ARL14EP: variants seen among roughly 807,000 people sequenced by gnomAD.
ARL14EP encodes the protein ARL14 effector protein.
A neutral mutation model predicts 23.1 loss-of-function variants in ARL14EP; 12 were observed. The ratio of observed to expected loss-of-function variants is 0.52; its 90% CI spans 0.33 to 0.84. ARL14EP has a LOEUF of 0.84. Among genes scored for constraint, ARL14EP ranks in the 40% least tolerant of loss-of-function variants. The probability of loss-of-function intolerance (pLI) is 0.02; values close to 1 mark genes in which losing one functional copy is unlikely to be tolerated. For missense variants in ARL14EP, 253 were observed against 307.3 expected (o/e 0.82, Z 1.32); for synonymous variants, 97 against 102.0 (o/e 0.95, Z 0.29).
intron 1 of ARL14EP, among the ~76,000 whole-genome samples, chr11:30,326,245 A>C (rs1323678776): frequency 6.6e-6 from 1 of 152,224 alleles, no homozygotes; most frequent in African/African-American, 2.4e-5. Flanking sequence ...CTTACAAATC[A>C]CTTGGGTATC....
At chr11:30,328,440 A>G (rs1470867225) in intron 1 of ARL14EP, 1 of 152,044 alleles carries the variant, frequency 6.6e-6, no homozygotes, top group Non-Finnish European at 1.5e-5. Context: ...GCTAGAAGAA[A>G]CTTTTCTAAT....
rs1410450751 is a variant in ARL14EP at position 30,336,728 on chromosome 11, G to A, written c.716G>A (p.Arg239His). 5.0e-6 allele frequency: 8 copies of A among 1,613,966 alleles called. No individual in the cohort carries two copies. Among genetic ancestry groups the A allele is most frequent in the African/African-American group, 2.7e-5 (2 of 74,878 alleles). ...TKCGAECRCD[R>H]KWLYEQIEIE... ...TGTGGAGCTGAATGCCGCTGTGACC[G>A]CAAGTGGCTGTATGAGCAAATTGAA... Residue 239 changes from arginine to histidine, a missense_variant, in exon 4 of 4, where the codon CGC becomes CAC. Coordinates refer to ENST00000282032, the MANE Select transcript of ARL14EP (RefSeq NM_152316.3).
intron 3 of ARL14EP, 56 bp downstream of exon 3, chr11:30,333,049 C>G: frequency 6.3e-7 from 1 of 1,599,164 alleles, no homozygotes; most frequent in South Asian, 1.1e-5. Flanking sequence ...CTGCATTGTT[C>G]CCCTATTTTT....
Position 30,331,002 on chromosome 11 carries a change from T to TA in ARL14EP, c.58dup (p.Thr20AsnfsTer10). On this transcript the variant is annotated frameshift_variant, in exon 2 of 4. Transcript: ENST00000282032. LOFTEE classifies it high-confidence loss of function. ...AGCTTCGTACTACAAATGAGTGCCA[T>TA]AAAACCTACTATACTCGTCACACAG... is the stretch of plus-strand genomic sequence containing the variant. The TA allele has an allele frequency of 6.2e-7, 1 of 1,613,922 alleles. No homozygotes were observed. Among genetic ancestry groups the TA allele is most frequent in the Non-Finnish European group, 8.5e-7 (1 of 1,179,820 alleles).
rs1191707319 is a variant in ARL14EP, at chr11:30,337,163, TTTAG to T, written c.*373_*376del. ...TTGTTGTTAAAATCTAGGTTAAAAT[TTTAG>T]TTAGCACATTGTAACTGAGTAATTA... On this transcript the variant is annotated 3_prime_UTR_variant, in exon 4 of 4. Transcript: ENST00000282032. 7.2e-6 allele frequency: 2 copies of T among 277,904 alleles called. No individual in the cohort carries two copies. Among genetic ancestry groups the T allele is most frequent in the African/African-American group, 4.5e-5 (2 of 44,676 alleles). 17.2% of individuals were successfully genotyped at this position (277,904 alleles called of 1,614,324 possible).
At chr11:30,335,008 A>T (rs1947320309) in intron 3 of ARL14EP, among the ~76,000 whole-genome samples, 1 of 152,328 alleles carries the variant, frequency 6.6e-6, no homozygotes, top group African/African-American at 2.4e-5. Context: ...GCTGCCATAG[A>T]CAGTGAGTGA....
At chr11:30,324,401 A>G (rs533408858) in intron 1 of ARL14EP, among the ~76,000 whole-genome samples, 56 of 152,344 alleles carry the variant, frequency 3.7e-4, no homozygotes, top group Admixed American at 2.1e-3. Context: ...GTAACAAACT[A>G]AAAAACTATG....
intron 1 of ARL14EP, 172 bp from the exon 2 acceptor site, chr11:30,330,714 C>A: frequency 2.1e-6 from 1 of 470,670 alleles, no homozygotes; most frequent in Non-Finnish European, 3.8e-6. Flanking sequence ...GAAGTTCTGA[C>A]TTTACAGGGA....
intron 3 of ARL14EP, among the ~76,000 whole-genome samples, chr11:30,333,360 T>TA (rs1441640830): frequency 3.9e-5 from 6 of 152,234 alleles, no homozygotes; most frequent in African/African-American, 1.4e-4. Flanking sequence ...TTTTACAAAT[T>TA]GAAAATTTGT....
At position 30,324,551 on chromosome 11, in the gene ARL14EP, T is replaced by TG. The variant is rs948734145; in HGVS notation, c.-64+1357dup. On this transcript the variant is annotated intron_variant, in intron 1 of 3. Transcript: ENST00000282032. The stretch of plus-strand genomic sequence containing the variant: ...GGCTGTTTTGCTGTTTTGTTAGTGG[T>TG]GGGGGGGGTGTTCTGCATTAACACC... Among the ~76,000 whole-genome samples, 641 of 151,704 alleles carry TG rather than the reference T, an allele frequency of 4.2e-3. 2 individuals are homozygous for TG. Among genetic ancestry groups the TG allele is most frequent in the African/African-American group, 7.4e-3 (306 of 41,324 alleles).
chr11:30,329,962 C>T (rs568620840), intron 1 of ARL14EP: 15 of 151,806 alleles, frequency 9.9e-5, no homozygotes, highest in African/African-American at 3.6e-4. Flanking sequence ...AAAATTCTTC[C>T]ATACTTCCAT....
chr11:30,324,776 GA>G (rs2133643193), intron 1 of ARL14EP, among the ~76,000 whole-genome samples: 1 of 152,326 alleles, frequency 6.6e-6, no homozygotes, highest in East Asian at 1.9e-4. Context: ...CAAATTGTAT[GA>G]GGAGCAAATA....
At chr11:30,327,802 CAAA>C (rs369601355) in intron 1 of ARL14EP, among the ~76,000 whole-genome samples, 51 of 115,316 alleles carry the variant, frequency 4.4e-4, no homozygotes, top group African/African-American at 1.4e-3. Context: ...ACTAAAAATA[CAAA>C]AAAAAAAAAA....
chr11:30,334,171 T>C (rs1947311005), intron 3 of ARL14EP, among the ~76,000 whole-genome samples: 1 of 149,682 alleles, frequency 6.7e-6, no homozygotes, highest in Non-Finnish European at 1.5e-5. Context: ...TGAAGGTAGC[T>C]ACACTACCCA....
At chr11:30,325,982 G>A (rs1947232512) in intron 1 of ARL14EP, among the ~76,000 whole-genome samples, 1 of 152,136 alleles carries the variant, frequency 6.6e-6, no homozygotes, top group Non-Finnish European at 1.5e-5. Flanking sequence ...GTGAAAACCT[G>A]AAAGGCTGTG....
At chr11:30,333,037 A>T (rs753653286) in intron 3 of ARL14EP, 44 bp downstream of exon 3, 2 of 1,607,054 alleles carry the variant, frequency 1.2e-6, no homozygotes, top group Admixed American at 3.3e-5. Context: ...GCTGCTTCAC[A>T]TCTGCATTGT....
At position 30,331,342 on chromosome 11, in the gene ARL14EP, G is replaced by A. The variant is rs1388128131; in HGVS notation, c.394G>A (p.Glu132Lys). The change falls in exon 2 of 4, where the codon GAA becomes AAA. Residue 132 changes from glutamate (E) to lysine (K), a missense_variant. Glu to Lys is a moderately conservative substitution (Grantham distance 56). Transcript: ENST00000282032. ...IINGSVDVDT[E>K]DRQKRKPESD... ...CAATGGAAGTGTGGATGTTGATACT[G>A]AAGACCGCCAGAAAAGGAAACCTGA... 6.2e-7 allele frequency: 1 copy of A among 1,613,822 alleles called. No homozygotes were observed. Among genetic ancestry groups the A allele is most frequent in the African/African-American group, 1.3e-5 (1 of 74,892 alleles).
At chr11:30,333,103 A>G in intron 3 of ARL14EP, 110 bp downstream of exon 3, 1 of 1,401,478 alleles carries the variant, frequency 7.1e-7, no homozygotes, top group South Asian at 1.2e-5. Flanking sequence ...TAAATTGGAT[A>G]ATGTAGAATT....
chr11:30,336,519 A>C, intron 3 of ARL14EP, 48 bp from the exon 4 acceptor site: 1 of 1,490,806 alleles, frequency 6.7e-7, no homozygotes, highest in Non-Finnish European at 9.3e-7. Context: ...CAATTAAATC[A>C]AAAATAACAT....
Sources: allele counts gnomAD v4.1 joint callset (sites outside exome capture counted in the v4.1 genomes callset), GRCh38; gene constraint gnomAD v4.1.1; transcripts MANE v1.5; gene names NCBI Gene and HGNC (gene_info 2026-07-23, HGNC 2026-07-21).